The following NKAIN2 variants were observed in gnomAD, a reference collection of about 807,000 sequenced individuals.
NKAIN2 encodes sodium/potassium-transporting ATPase subunit beta-1-interacting protein 2.
NKAIN2 carries 14 observed loss-of-function variants against 32.6 expected under a neutral mutation model. The ratio of observed to expected loss-of-function variants is 0.43; its 90% CI spans 0.28 to 0.67. The LOEUF (loss-of-function observed/expected upper bound fraction) is 0.67. Ranked by LOEUF, NKAIN2 falls within the 30% of genes least tolerant of loss-of-function variation. NKAIN2 has a pLI of 0.17. For synonymous variants in NKAIN2, 80 were observed against 87.2 expected, an observed-to-expected ratio of 0.92 and a Z score of 0.46; for missense variants, 198 against 258.3, an observed-to-expected ratio of 0.77 and a Z score of 1.60.
chr6:123,813,485 T>G (rs1191778013), intron 1 of NKAIN2, among the ~76,000 whole-genome samples: 1 of 152,142 alleles, frequency 6.6e-6, no homozygotes, highest in African/African-American at 2.4e-5. Context: ...TGGGAACTGT[T>G]ATAGAATTAC....
In NKAIN2 at chr6:124,725,940, G is replaced by A. The variant is rs552287541; in HGVS notation, c.475-65399G>A. Among the ~76,000 whole-genome samples, 64 of 152,358 alleles carry A rather than the reference G, an allele frequency of 4.2e-4. No homozygotes were observed. The South Asian group carries it at 9.9e-3, about 24-fold the overall frequency. ...GTTCCCTTTCCGAGTCAAAGAAAGG[G>A]GTGACGGACGGCACCTTGAAAATTG... On this transcript the variant is annotated intron_variant, in intron 4 of 6. Transcript: ENST00000368417.
intron 1 of NKAIN2, among the ~76,000 whole-genome samples, chr6:123,985,341 A>G (rs181255490): frequency 1.3e-3 from 193 of 152,314 alleles, no homozygotes; most frequent in African/African-American, 4.3e-3. Context: ...CAGAGGTTGC[A>G]GTGAGCCAAG....
At chr6:124,244,704 C>T (rs1404722549) in intron 1 of NKAIN2, among the ~76,000 whole-genome samples, 1 of 151,958 alleles carries the variant, frequency 6.6e-6, no homozygotes, top group East Asian at 1.9e-4. Flanking sequence ...ACTTAAGCAC[C>T]GTAAGGACTA....
At chr6:124,540,861 TA>T (rs1247545063) in intron 3 of NKAIN2, among the ~76,000 whole-genome samples, 9 of 152,224 alleles carry the variant, frequency 5.9e-5, no homozygotes, top group African/African-American at 2.2e-4. Context: ...CAGGCTAATG[TA>T]AGTTTTCTGA....
chr6:123,831,795 A>G (rs1227122334), intron 1 of NKAIN2, among the ~76,000 whole-genome samples: 1 of 151,934 alleles, frequency 6.6e-6, no homozygotes, highest in African/African-American at 2.4e-5. Flanking sequence ...AGCTGGGACT[A>G]CAGGTGCCTG....
chr6:124,780,343 G>T (rs2114782945), intron 4 of NKAIN2, among the ~76,000 whole-genome samples: 1 of 152,302 alleles, frequency 6.6e-6, no homozygotes, highest in South Asian at 2.1e-4. Flanking sequence ...TTCTCAGGGT[G>T]CTATATGAGC....
chr6:124,185,111 T>A (rs1789650565), intron 1 of NKAIN2, among the ~76,000 whole-genome samples: 1 of 152,186 alleles, frequency 6.6e-6, no homozygotes, highest in Non-Finnish European at 1.5e-5. Context: ...ATGTACTATT[T>A]CTAGACACTT....
intron 3 of NKAIN2, among the ~76,000 whole-genome samples, chr6:124,446,692 G>A (rs897442704): frequency 6.6e-6 from 1 of 151,892 alleles, no homozygotes; most frequent in Non-Finnish European, 1.5e-5. Context: ...TGATATATAT[G>A]CTTGTATTCT....
intron 1 of NKAIN2, among the ~76,000 whole-genome samples, chr6:124,054,189 T>C (rs1011733050): frequency 2.0e-5 from 3 of 152,020 alleles, no homozygotes; most frequent in Non-Finnish European, 4.4e-5. Context: ...AAAGGCTTGT[T>C]TTTCTTTCAT....
chr6:124,078,298 A>G (rs1470935402), intron 1 of NKAIN2, among the ~76,000 whole-genome samples: 1 of 151,890 alleles, frequency 6.6e-6, no homozygotes, highest in Non-Finnish European at 1.5e-5. Flanking sequence ...CTAGCTGAAA[A>G]TAATCCCTCA....
intron 4 of NKAIN2, among the ~76,000 whole-genome samples, chr6:124,714,946 C>T (rs1775682116): frequency 6.6e-6 from 1 of 152,148 alleles, no homozygotes; most frequent in Non-Finnish European, 1.5e-5. Flanking sequence ...GGCATTTATT[C>T]ATGTCAGAGG....
At chr6:124,070,419 C>G (rs1477010477) in intron 1 of NKAIN2, among the ~76,000 whole-genome samples, 1 of 152,172 alleles carries the variant, frequency 6.6e-6, no homozygotes, top group African/African-American at 2.4e-5. Context: ...ATTCTTCCTT[C>G]TGCATCTGGT....
chr6:123,965,134 C>G lies in NKAIN2; in HGVS notation c.54+160880C>G, dbSNP rs1016995896. On this transcript the variant is annotated intron_variant, in intron 1 of 6. Transcript: ENST00000368417. ...CTTTTTTTGAGACATCCATCCACCC[C>G]CTGGCACTGAAACTTTCTGATGGGA... 3.9e-5 allele frequency among the ~76,000 whole-genome samples: 6 copies of G among 152,170 alleles called. No individual in the cohort carries two copies. In the East Asian group the frequency reaches 9.7e-4, roughly 25 times the overall value.
At chr6:124,190,539 T>C (rs1297755743) in intron 1 of NKAIN2, among the ~76,000 whole-genome samples, 1 of 152,242 alleles carries the variant, frequency 6.6e-6, no homozygotes, top group Non-Finnish European at 1.5e-5. Context: ...TGTGTTCTTT[T>C]ACAGTGGCTC....
At chr6:124,597,383 A>G (rs541313557) in intron 3 of NKAIN2, among the ~76,000 whole-genome samples, 3 of 151,284 alleles carry the variant, frequency 2.0e-5, no homozygotes, top group African/African-American at 4.8e-5. Context: ...TTAATATACT[A>G]ATATAAAGTA....
chr6:124,289,274 C>T (rs553407550), intron 2 of NKAIN2, among the ~76,000 whole-genome samples: 31 of 152,106 alleles, frequency 2.0e-4, no homozygotes, highest in African/African-American at 6.7e-4. Flanking sequence ...TTTTTTTTAA[C>T]GTGATACATA....
chr6:124,049,895 G>T (rs745880613), intron 1 of NKAIN2, among the ~76,000 whole-genome samples: 1 of 152,004 alleles, frequency 6.6e-6, no homozygotes, highest in Non-Finnish European at 1.5e-5. Flanking sequence ...CAGTTTGGAC[G>T]TGCCAAAGAC....
intron 3 of NKAIN2, among the ~76,000 whole-genome samples, chr6:124,406,013 G>GGTGTGTGTGTGTTTGTGTGTGTGT: frequency 1.3e-5 from 2 of 148,550 alleles, no homozygotes; most frequent in East Asian, 4.0e-4. Flanking sequence ...TTACCACCAC[G>GGTGTGTGTGTGTTTGTGTGTGTGT]GTGTGTGTGT....
intron 3 of NKAIN2, among the ~76,000 whole-genome samples, chr6:124,523,509 G>T (rs1583384246): frequency 2.0e-5 from 3 of 152,090 alleles, no homozygotes; most frequent in South Asian, 4.2e-4. Flanking sequence ...ACAATGGAAA[G>T]TAGGAGAGAA....
Sources: gnomAD v4.1 joint callset for allele counts (sites outside exome capture counted in the v4.1 genomes callset) on GRCh38, gnomAD v4.1.1 for gene constraint, MANE v1.5 for transcripts, NCBI Gene and HGNC (gene_info 2026-07-23, HGNC 2026-07-21) for gene names.